The following NGEF variants were observed in gnomAD, a reference collection of about 807,000 sequenced individuals.
The protein encoded by NGEF is neuronal guanine nucleotide exchange factor, also known as ephexin-1.
Under a neutral mutation model 80.9 loss-of-function variants are expected in NGEF, and 31 were observed. The ratio of observed to expected loss-of-function variants is 0.38; its 90% confidence interval spans 0.29 to 0.52. The LOEUF (loss-of-function observed/expected upper bound fraction) is 0.52. Ranked by LOEUF, NGEF falls within the 20% of genes least tolerant of loss-of-function variation. The probability of loss-of-function intolerance (pLI) is 0.84; values close to 1 mark genes in which losing one functional copy is unlikely to be tolerated. For synonymous variants in NGEF, 371 were observed against 370.2 expected, an observed-to-expected ratio of 1.00 and a Z score of -0.03; for missense variants, 709 against 926.2, an observed-to-expected ratio of 0.77 and a Z score of 3.04.
intron 1 of NGEF, among the ~76,000 whole-genome samples, chr2:233,010,893 T>G (rs1348736723): frequency 1.3e-5 from 2 of 151,998 alleles, no homozygotes; most frequent in African/African-American, 2.4e-5. Flanking sequence ...GGAGAGGTGG[T>G]CCCAGGCCAA....
chr2:232,915,689 CTATT>C (rs937720891), intron 5 of NGEF, among the ~76,000 whole-genome samples: 33 of 152,044 alleles, frequency 2.2e-4, no homozygotes, highest in African/African-American at 6.3e-4. Context: ...AGATTCTGCT[CTATT>C]TATTTATTTA....
intron 1 of NGEF, among the ~76,000 whole-genome samples, chr2:233,003,682 C>T (rs34708278): frequency 0.35 from 52,736 of 151,922 alleles, 9,694 homozygotes; most frequent in East Asian, 0.63. Context: ...AATCCACCTG[C>T]CCAGGGCCAG....
intron 5 of NGEF, among the ~76,000 whole-genome samples, chr2:232,911,816 A>G (rs1454124960): frequency 6.6e-6 from 1 of 152,198 alleles, no homozygotes; most frequent in African/African-American, 2.4e-5. Context: ...TTGCTAGAAT[A>G]TAGTGATATG....
In NGEF at chr2:232,884,254, C is replaced by A. The variant is rs112663179; in HGVS notation, c.1438-110G>T. ...CCCTGACACCTGCCCAGGGCCCCGA[C>A]ACATGAGGCACAAGTTGGGGGGAAA... is the stretch of plus-strand genomic sequence containing the variant. On this transcript the variant is annotated intron_variant, in intron 10 of 14. Transcript: ENST00000264051. 724 of 1,240,410 alleles carry A rather than the reference C, an allele frequency of 5.8e-4. 3 individuals are homozygous for A. The African/African-American group carries it at 9.5e-3, about 16-fold the overall frequency. 76.8% of individuals were successfully genotyped at this position (1,240,410 alleles called of 1,614,324 possible).
chr2:232,990,934 A>C (rs899495512), intron 1 of NGEF, among the ~76,000 whole-genome samples: 1 of 152,140 alleles, frequency 6.6e-6, no homozygotes, highest in Admixed American at 6.5e-5. Flanking sequence ...AACATGCAAA[A>C]ATCAATTAGT....
At chr2:232,981,044 C>T (rs1241168094) in intron 1 of NGEF, among the ~76,000 whole-genome samples, 1 of 151,476 alleles carries the variant, frequency 6.6e-6, no homozygotes, top group African/African-American at 2.4e-5. Context: ...CTCTCGCTAT[C>T]GTCTTCTGCC....
intron 1 of NGEF, among the ~76,000 whole-genome samples, chr2:233,005,350 C>T (rs1695063710): frequency 1.3e-5 from 2 of 152,210 alleles, no homozygotes; most frequent in Admixed American, 6.5e-5. Context: ...CCCCAAAACA[C>T]AGGCCCTGAG....
intron 5 of NGEF, among the ~76,000 whole-genome samples, chr2:232,912,289 A>G (rs1029693790): frequency 6.6e-6 from 1 of 151,856 alleles, no homozygotes; most frequent in Non-Finnish European, 1.5e-5. Flanking sequence ...TTTCTTGTTT[A>G]GACTGTTAAT....
intron 1 of NGEF, among the ~76,000 whole-genome samples, chr2:232,980,206 C>T (rs961504354): frequency 6.6e-6 from 1 of 152,182 alleles, no homozygotes; most frequent in African/African-American, 2.4e-5. Flanking sequence ...GCTGTTACAC[C>T]TCCCAGCACT....
chr2:232,939,427 T>G (rs1433666530), intron 3 of NGEF, among the ~76,000 whole-genome samples: 1 of 152,158 alleles, frequency 6.6e-6, no homozygotes, highest in Admixed American at 6.5e-5. Context: ...ATGCATTGCC[T>G]TAACCATTAA....
intron 14 of NGEF, among the ~76,000 whole-genome samples, chr2:232,880,624 G>C (rs574025090): frequency 6.6e-6 from 1 of 152,210 alleles, no homozygotes; most frequent in African/African-American, 2.4e-5. Flanking sequence ...AGGGAAAGGG[G>C]GTCAGTGTTC....
At chr2:232,880,022 G>C (rs1208166081) in intron 14 of NGEF, among the ~76,000 whole-genome samples, 1 of 152,230 alleles carries the variant, frequency 6.6e-6, no homozygotes, top group Non-Finnish European at 1.5e-5. Flanking sequence ...AGGCATTCAA[G>C]GGGCTGGTGG....
chr2:233,002,165 G>T (rs901630685), intron 1 of NGEF, among the ~76,000 whole-genome samples: 1 of 152,026 alleles, frequency 6.6e-6, no homozygotes, highest in Non-Finnish European at 1.5e-5. Flanking sequence ...GAGTTGAACC[G>T]GTAACTGTGA....
intron 1 of NGEF, among the ~76,000 whole-genome samples, chr2:233,003,167 G>T (rs1695015746): frequency 6.6e-6 from 1 of 152,172 alleles, no homozygotes; most frequent in Non-Finnish European, 1.5e-5. Flanking sequence ...CCGGGAGGTG[G>T]CGGAGCATTC....
chr2:232,888,795 A>T (rs1342184378), intron 8 of NGEF, among the ~76,000 whole-genome samples: 1 of 152,240 alleles, frequency 6.6e-6, no homozygotes, highest in Admixed American at 6.5e-5. Context: ...CTTCTCCATG[A>T]AAGTGTAAGA....
intron 6 of NGEF, chr2:232,894,531 C>A (rs1335193369): frequency 2.5e-6 from 1 of 404,920 alleles, no homozygotes; most frequent in South Asian, 6.9e-5. Context: ...GTGTGGGGCA[C>A]AGGTGCTCAT....
At chr2:232,928,508 C>A (rs1179922206) in intron 3 of NGEF, among the ~76,000 whole-genome samples, 1 of 152,094 alleles carries the variant, frequency 6.6e-6, no homozygotes. Context: ...CGCTGGGCAC[C>A]CCCTGCGGTC....
intron 9 of NGEF, 200 bp from the exon 10 acceptor site, chr2:232,885,569 C>T: frequency 3.4e-6 from 2 of 579,832 alleles, no homozygotes; most frequent in Non-Finnish European, 3.1e-6. Flanking sequence ...GTGGGAAAAC[C>T]TGTTAGTTTG....
chr2:232,985,885 G>A (rs922006320), intron 1 of NGEF, among the ~76,000 whole-genome samples: 1 of 151,040 alleles, frequency 6.6e-6, no homozygotes, highest in Non-Finnish European at 1.5e-5. Flanking sequence ...GTTGCAGTGA[G>A]CCCAGATCAC....
Sources: gnomAD v4.1 joint callset for allele counts (sites outside exome capture counted in the v4.1 genomes callset) on GRCh38, gnomAD v4.1.1 for gene constraint, MANE v1.5 for transcripts, NCBI Gene and HGNC (gene_info 2026-07-23, HGNC 2026-07-21) for gene names.